DLG3: variants seen among roughly 807,000 people sequenced by gnomAD.
DLG3 encodes disks large homolog 3.
A neutral mutation model predicts 64.1 loss-of-function variants in DLG3; 1 was observed. The ratio of observed to expected loss-of-function variants is 0.02; its 90% CI spans 0.01 to 0.07. DLG3 has a LOEUF of 0.07. DLG3 is among the 10% of genes least tolerant of loss of function. The pLI, the probability that DLG3 is intolerant of heterozygous loss-of-function variation, is 1.00. For synonymous variants in DLG3, 245 were observed against 259.8 expected (o/e 0.94, Z 0.55); for missense variants, 429 against 669.5 (o/e 0.64, Z 3.96).
In DLG3 at chrX:70,451,987, C is replaced by T; in HGVS notation, c.1106C>T (p.Pro369Leu). The T allele has an allele frequency of 8.3e-7, 1 of 1,211,669 alleles. No individual in the cohort carries two copies. ...PPQVPPTRYSPIPRHMLAEED... is the reference protein window; with the variant it reads ...PPQVPPTRYSLIPRHMLAEED... ...CAGGTTCCCCCCACCCGCTACTCTC[C>T]TATTCCCAGGCACATGCTGGCTGAG... The change falls in exon 7 of 19, where the codon CCT becomes CTT. Residue 369 changes from proline to leucine, a missense_variant. By Grantham distance (98) the Pro-to-Leu change is moderately conservative. Coordinates refer to ENST00000374360, the MANE Select transcript of DLG3 (RefSeq NM_021120.4).
At chrX:70,501,258 G>C (rs958262348) in intron 18 of DLG3, among the ~76,000 whole-genome samples, 2 of 110,574 alleles carry the variant, frequency 1.8e-5, no homozygotes, top group African/African-American at 6.6e-5. Flanking sequence ...TAGATTGTAG[G>C]CTCCCTGTAT....
At chrX:70,478,001 A>T (rs1301653411) in intron 9 of DLG3, among the ~76,000 whole-genome samples, 2 of 111,305 alleles carry the variant, frequency 1.8e-5, no homozygotes, top group Admixed American at 9.6e-5. Flanking sequence ...CTTTTGTGGA[A>T]TTTTTTCCCC....
intron 5 of DLG3, 109 bp from the exon 6 acceptor site, chrX:70,450,530 T>C: frequency 2.0e-6 from 2 of 1,023,177 alleles, no homozygotes; most frequent in Non-Finnish European, 2.7e-6. Flanking sequence ...GCACTATACT[T>C]GGGCCTTTGT....
At chrX:70,498,809 G>C (rs965659616) in intron 14 of DLG3, among the ~76,000 whole-genome samples, 1 of 111,798 alleles carries the variant, frequency 8.9e-6, no homozygotes, top group African/African-American at 3.3e-5. Context: ...CCTTCCAAAG[G>C]AGGGGGCAAA....
intron 6 of DLG3, among the ~76,000 whole-genome samples, chrX:70,451,224 C>T (rs2086614375): frequency 1.8e-5 from 2 of 111,765 alleles, no homozygotes; most frequent in African/African-American, 3.3e-5. Flanking sequence ...GCCTCAGCCT[C>T]CCGAGTAGCT....
At chrX:70,453,516 C>T (rs2086650584) in intron 7 of DLG3, 121 bp from the exon 8 acceptor site, 3 of 1,045,810 alleles carry the variant, frequency 2.9e-6, no homozygotes, top group Non-Finnish European at 3.8e-6. Flanking sequence ...CTCAGGGTAT[C>T]ATACATAGGG....
chrX:70,453,909 G>T, intron 8 of DLG3, 116 bp downstream of exon 8: 1 of 746,345 alleles, frequency 1.3e-6, no homozygotes, highest in Non-Finnish European at 1.9e-6. Context: ...GCTAAGGACT[G>T]GAGAAAACTT....
intron 10 of DLG3, among the ~76,000 whole-genome samples, chrX:70,487,312 A>T (rs1200969667): frequency 8.9e-6 from 1 of 112,004 alleles, no homozygotes; most frequent in Non-Finnish European, 1.9e-5. Flanking sequence ...ACTTGGATGC[A>T]CGGCTGATCC....
chrX:70,448,340 A>T (rs749249124), intron 1 of DLG3, among the ~76,000 whole-genome samples: 10 of 112,342 alleles, frequency 8.9e-5, no homozygotes, highest in African/African-American at 3.2e-4. Context: ...GTGTGCCCTT[A>T]GGCACATCCC....
Position 70,503,780 on chromosome X carries a change from CTG to C in DLG3, c.*1514_*1515del, listed in dbSNP as rs750357026. On this transcript the variant is annotated 3_prime_UTR_variant, in exon 19 of 19. Transcript: ENST00000374360. ...TTTTCCCAGAGTCTGATGGCAGTGA[CTG>C]TGATCAAGGGAATCTTCACCGCCAC... 1.3e-4 allele frequency: 15 copies of C among 111,461 alleles called. No homozygotes were observed. The highest frequency in any genetic ancestry group is 3.9e-4 in the African/African-American group (12 of 30,582). 9.2% of individuals were successfully genotyped at this position (111,461 alleles called of 1,213,427 possible). A position where few individuals can be genotyped will look rare whatever the true frequency, so the allele number is the denominator to read the frequency against.
intron 9 of DLG3, among the ~76,000 whole-genome samples, chrX:70,472,653 C>A (rs2086990091): frequency 8.9e-6 from 1 of 111,919 alleles, no homozygotes; most frequent in Admixed American, 9.5e-5. Context: ...GCTGTAAGAG[C>A]AGGGGCTTCT....
rs1345491142 is a variant in DLG3, at chrX:70,502,217, T to C, written c.2402T>C (p.Ile801Thr). ...EEIYNKIKQI[I>T]EDQSGHYIWV... ...ATTTATAACAAAATCAAACAAATCA[T>C]TGAGGACCAGTCTGGGCACTACATT... is the stretch of plus-strand genomic sequence containing the variant. The change falls in exon 19 of 19, where the codon ATT (isoleucine) becomes ACT (threonine). Residue 801 changes from isoleucine (I) to threonine (T), a missense_variant. Physicochemically the swap from Ile to Thr is moderately conservative, Grantham distance 89. Around this residue, in one of 9 missense-constraint regions of DLG3, gnomAD observed 48 missense variants for 69.5 expected, o/e 0.69. Coordinates refer to ENST00000374360, the MANE Select transcript of DLG3 (RefSeq NM_021120.4). 1 of 1,207,282 alleles carries C rather than the reference T, an allele frequency of 8.3e-7. No homozygotes were observed. The highest frequency in any genetic ancestry group is 1.8e-5 in the African/African-American group (1 of 56,621).
At chrX:70,497,104 G>A in intron 13 of DLG3, 1 of 1,034,554 alleles carries the variant, frequency 9.7e-7, no homozygotes, top group Non-Finnish European at 1.4e-6. Flanking sequence ...CGCTCCTGGA[G>A]CATTTGAGTT....
chrX:70,465,341 A>G (rs751322258), intron 9 of DLG3, among the ~76,000 whole-genome samples: 1 of 111,903 alleles, frequency 8.9e-6, no homozygotes, highest in African/African-American at 3.3e-5. Context: ...AATGGTGATA[A>G]TATGTTTAAC....
At chrX:70,501,016 G>T (rs376649144) in intron 18 of DLG3, 27 bp downstream of exon 18, 6 of 1,088,275 alleles carry the variant, frequency 5.5e-6, no homozygotes, top group Non-Finnish European at 3.8e-6. Context: ...CCTGCGGGGG[G>T]TTCTGGGGAA....
chrX:70,495,536 G>T, intron 13 of DLG3, 83 bp downstream of exon 13: 1 of 945,464 alleles, frequency 1.1e-6, no homozygotes, highest in Non-Finnish European at 1.5e-6. Context: ...ACATGGGTGA[G>T]GGTGAAGGGT....
chrX:70,445,893 G>C (rs1313217354), intron 1 of DLG3, among the ~76,000 whole-genome samples: 1 of 97,392 alleles, frequency 1.0e-5, no homozygotes, highest in Non-Finnish European at 2.1e-5. Flanking sequence ...GGTTCTGCGG[G>C]GGCTGTGTGT....
Position 70,500,952 on chromosome X carries a change from C to G in DLG3, c.2310C>G (p.Ala770=), listed in dbSNP as rs572491877. 2 of 1,202,571 alleles carry G rather than the reference C, an allele frequency of 1.7e-6. No homozygotes were observed. The highest frequency in any genetic ancestry group is 3.6e-5 in the South Asian group (2 of 55,202). The stretch of plus-strand genomic sequence containing the variant: ...AAGCAAATAAGATCTATGACAAAGC[C>G]ATGAAACTGGAGCAGGAATTTGGAG... ...YEQANKIYDK[A]MKLEQEFGEY... Residue 770 remains alanine, a synonymous_variant, in exon 18 of 19, where the codon GCC becomes GCG. Coordinates refer to ENST00000374360, the MANE Select transcript of DLG3 (RefSeq NM_021120.4).
At chrX:70,478,980 T>G (rs1443380852) in intron 9 of DLG3, 170 bp from the exon 10 acceptor site, 1 of 455,207 alleles carries the variant, frequency 2.2e-6, no homozygotes, top group Non-Finnish European at 3.8e-6. Context: ...GAAGTCTGTC[T>G]TTCTGTGCTT....
Sources: gnomAD v4.1 joint callset for allele counts (sites outside exome capture counted in the v4.1 genomes callset) on GRCh38, gnomAD v4.1.1 for gene constraint, gnomAD v4.1.1 regional missense constraint, MANE v1.5 for transcripts, NCBI Gene and HGNC (gene_info 2026-07-23, HGNC 2026-07-21) for gene names.